The following CCDC171 variants were observed in gnomAD, a reference collection of about 807,000 sequenced individuals.
The protein encoded by CCDC171 is coiled-coil domain containing 171, also known as coiled-coil domain-containing protein 171.
Under a neutral mutation model 168.2 loss-of-function variants are expected in CCDC171, and 177 were observed. The ratio of observed to expected loss-of-function variants is 1.05; its 90% CI spans 0.93 to 1.19. The LOEUF (loss-of-function observed/expected upper bound fraction) is 1.19. CCDC171 is among the 50% of genes most tolerant of loss of function. The pLI, the probability that CCDC171 is intolerant of heterozygous loss-of-function variation, is 0.00. For synonymous variants in CCDC171, 687 were observed against 540.8 expected (o/e 1.27, Z -3.75); for missense variants, 1,991 against 1,539.0 (o/e 1.29, Z -4.91).
intron 6 of CCDC171, among the ~76,000 whole-genome samples, chr9:15,600,790 C>A (rs778073360): frequency 2.0e-5 from 3 of 152,180 alleles, no homozygotes; most frequent in African/African-American, 7.2e-5. Context: ...CCACCCATTT[C>A]GAGCTTCCCG....
At chr9:16,000,446 T>C (rs1832506863) in intron 3 of CCDC171, among the ~76,000 whole-genome samples, 1 of 152,160 alleles carries the variant, frequency 6.6e-6, no homozygotes, top group South Asian at 2.1e-4. Flanking sequence ...ACTTTAAAAG[T>C]TTCTAGGTAG....
chr9:15,581,005 A>G (rs1032763693), intron 4 of CCDC171, among the ~76,000 whole-genome samples: 8 of 152,200 alleles, frequency 5.3e-5, no homozygotes, highest in African/African-American at 1.9e-4. Flanking sequence ...CTGTTTGCAG[A>G]TGACATGACT....
chr9:15,916,974 T>C (rs1824618079), intron 24 of CCDC171, among the ~76,000 whole-genome samples: 1 of 151,972 alleles, frequency 6.6e-6, no homozygotes, highest in Admixed American at 6.6e-5. Context: ...GGACTTGCTG[T>C]ATATAATATC....
intron 21 of CCDC171, among the ~76,000 whole-genome samples, chr9:15,798,071 A>C (rs985417945): frequency 4.6e-5 from 7 of 152,048 alleles, no homozygotes; most frequent in Admixed American, 3.3e-4. Flanking sequence ...TGGAATTCAT[A>C]TTTTTAAGGT....
Position 15,564,074 on chromosome 9 carries a change from G to C in CCDC171, c.-15G>C. On this transcript the variant is annotated 5_prime_UTR_variant, in exon 2 of 26. Coordinates refer to ENST00000380701, the MANE Select transcript of CCDC171 (RefSeq NM_173550.4). ...TAAGAAATAGCAGGGTATTTTGAAA[G>C]AGTTGGAAAACATCATGAATTTGAA... The C allele has an allele frequency of 6.3e-7, 1 of 1,595,578 alleles. No homozygotes were observed. The highest frequency in any genetic ancestry group is 8.6e-7 in the Non-Finnish European group (1 of 1,166,590).
At chr9:15,587,699 T>C in intron 4 of CCDC171, 1 of 456,452 alleles carries the variant, frequency 2.2e-6, no homozygotes, top group Non-Finnish European at 4.4e-6. Flanking sequence ...AGGTGGTGGG[T>C]ATATTAGTGT....
chr9:15,679,419 G>C (rs1008708677), intron 10 of CCDC171, among the ~76,000 whole-genome samples: 1 of 152,114 alleles, frequency 6.6e-6, no homozygotes, highest in East Asian at 1.9e-4. Flanking sequence ...ATAACGGCCA[G>C]CTTCTTGTTG....
chr9:15,784,327 G>C (rs1588473215), intron 20 of CCDC171, among the ~76,000 whole-genome samples, 182 bp from the exon 21 acceptor site: 1 of 152,014 alleles, frequency 6.6e-6, no homozygotes, highest in South Asian at 2.1e-4. Flanking sequence ...TGGCTGTTTT[G>C]CTTTAAAAAT....
chr9:16,035,344 C>T (rs1833445152), intron 6 of CCDC171: 1 of 152,270 alleles, frequency 6.6e-6, no homozygotes, highest in South Asian at 2.1e-4. Context: ...AATTTTGGTT[C>T]TTTCCCCCTA....
chr9:15,805,839 A>C (rs2059047055), intron 21 of CCDC171, among the ~76,000 whole-genome samples: 1 of 152,080 alleles, frequency 6.6e-6, no homozygotes, highest in African/African-American at 2.4e-5. Flanking sequence ...TAATATTGTC[A>C]ACGGGGTATT....
intron 22 of CCDC171, among the ~76,000 whole-genome samples, chr9:15,847,631 G>A (rs1277580888): frequency 1.3e-5 from 2 of 151,934 alleles, no homozygotes; most frequent in South Asian, 2.1e-4. Context: ...TTTGATAAAC[G>A]CAGTGTTTTC....
At position 15,644,089 on chromosome 9, in the gene CCDC171, G is replaced by A. The variant is rs552930973; in HGVS notation, c.823-13038G>A. ...TCATTTCTCTTGGGCAAATATATAG[G>A]AATGTAATTGCTGGGTCATATGGTA... On this transcript the variant is annotated intron_variant, in intron 7 of 25. Coordinates refer to ENST00000380701, the MANE Select transcript of CCDC171 (RefSeq NM_173550.4). Among the ~76,000 whole-genome samples the A allele has an allele frequency of 3.3e-5, 5 of 152,230 alleles. No homozygotes were observed. The East Asian group carries it at 5.8e-4, about 18-fold the overall frequency.
intron 7 of CCDC171, among the ~76,000 whole-genome samples, chr9:15,642,604 T>C (rs13291638): frequency 0.36 from 54,900 of 151,610 alleles, 12,402 homozygotes; most frequent in East Asian, 0.65. Context: ...TTAAGAAGGC[T>C]TAAATTTCAT....
chr9:16,005,377 C>G (rs1832666363), intron 3 of CCDC171, among the ~76,000 whole-genome samples: 1 of 152,178 alleles, frequency 6.6e-6, no homozygotes, highest in African/African-American at 2.4e-5. Context: ...GATATTGCCA[C>G]ATTATGTTCA....
At chr9:15,990,823 CAAAG>C (rs1208416888) in intron 3 of CCDC171, among the ~76,000 whole-genome samples, 3 of 152,004 alleles carry the variant, frequency 2.0e-5, no homozygotes, top group Non-Finnish European at 2.9e-5. Context: ...TCAAAAGAGA[CAAAG>C]AAGGCCATTA....
intron 11 of CCDC171, among the ~76,000 whole-genome samples, chr9:15,712,829 C>G (rs1004816865): frequency 6.6e-6 from 1 of 152,176 alleles, no homozygotes; most frequent in African/African-American, 2.4e-5. Context: ...GTTCATATTG[C>G]TGAGCCTGTG....
At chr9:16,031,450 A>G (rs1281264264) in intron 6 of CCDC171, among the ~76,000 whole-genome samples, 1 of 152,232 alleles carries the variant, frequency 6.6e-6, no homozygotes, top group Admixed American at 6.5e-5. Context: ...TCTTCACTGT[A>G]GATGTTGGCA....
At chr9:15,582,064 A>T (rs1258976666) in intron 4 of CCDC171, among the ~76,000 whole-genome samples, 1 of 152,184 alleles carries the variant, frequency 6.6e-6, no homozygotes, top group Non-Finnish European at 1.5e-5. Flanking sequence ...GAATCTACAA[A>T]GAACTTAAAC....
chr9:15,811,959 A>G (rs920202236), intron 21 of CCDC171, among the ~76,000 whole-genome samples: 7 of 152,210 alleles, frequency 4.6e-5, no homozygotes, highest in Admixed American at 2.0e-4. Context: ...AAAACATTTG[A>G]TAAAACTGTA....
Sources: allele counts gnomAD v4.1 joint callset (sites outside exome capture counted in the v4.1 genomes callset), GRCh38; gene constraint gnomAD v4.1.1; transcripts MANE v1.5; gene names NCBI Gene and HGNC (gene_info 2026-07-23, HGNC 2026-07-21).